The following PIK3R5 variants were observed in gnomAD, a reference collection of about 807,000 sequenced individuals.
PIK3R5 encodes phosphoinositide 3-kinase regulatory subunit 5.
PIK3R5 carries 32 observed loss-of-function variants against 94.9 expected under a neutral mutation model. The ratio of observed to expected loss-of-function variants is 0.34; its 90% CI spans 0.25 to 0.45. The LOEUF (loss-of-function observed/expected upper bound fraction) is 0.45, where lower values mean the gene tolerates loss of function less well. PIK3R5 is among the 20% of genes least tolerant of loss of function. The pLI, the probability that PIK3R5 is intolerant of heterozygous loss-of-function variation, is 1.00. For missense variants in PIK3R5, 853 were observed against 1,144.6 expected, an observed-to-expected ratio of 0.75 and a Z score of 3.68; for synonymous variants, 443 against 479.4, an observed-to-expected ratio of 0.92 and a Z score of 0.99.
chr17:8,886,056 C>G (rs1597373410), intron 14 of PIK3R5, among the ~76,000 whole-genome samples, 173 bp downstream of exon 14: 1 of 151,622 alleles, frequency 6.6e-6, no homozygotes, highest in Non-Finnish European at 1.5e-5. Flanking sequence ...ACCGGGTCAC[C>G]CAGCCACCCC....
At chr17:8,895,248 C>G (rs1182529309) in intron 5 of PIK3R5, among the ~76,000 whole-genome samples, 1 of 152,208 alleles carries the variant, frequency 6.6e-6, no homozygotes, top group Non-Finnish European at 1.5e-5. Context: ...CCATAAAACA[C>G]ATAGATACGC....
intron 1 of PIK3R5, among the ~76,000 whole-genome samples, chr17:8,953,040 G>T (rs1287113101): frequency 2.6e-5 from 4 of 152,196 alleles, no homozygotes; most frequent in African/African-American, 9.7e-5. Flanking sequence ...TCTCAGAGGA[G>T]AGTGCTGGAC....
intron 1 of PIK3R5, among the ~76,000 whole-genome samples, chr17:8,913,430 G>A (rs986186890): frequency 6.6e-6 from 1 of 152,222 alleles, no homozygotes; most frequent in Non-Finnish European, 1.5e-5. Context: ...CGGGTGGCTG[G>A]GTGCGGTGGC....
chr17:8,942,857 C>T (rs112748227), intron 1 of PIK3R5, among the ~76,000 whole-genome samples: 5,091 of 152,000 alleles, frequency 0.033, 285 homozygotes, highest in African/African-American at 0.12. Context: ...CCGCCCGCCT[C>T]GGCCTCCCAA....
chr17:8,904,312 A>G lies in PIK3R5; in HGVS notation c.412+465T>C, dbSNP rs61759590. 2.4e-3 allele frequency among the ~76,000 whole-genome samples: 366 copies of G among 152,326 alleles called. 1 individual carries two copies. Among genetic ancestry groups the G allele is most frequent in the African/African-American group, 8.3e-3 (346 of 41,578 alleles). Reference sequence around the variant, plus strand: ...CCCGGGTCTTGTCCACATTTGTCACAGTGGTCATTGTTCCTAGTACCAGCC... The same window carrying G: ...CCCGGGTCTTGTCCACATTTGTCACGGTGGTCATTGTTCCTAGTACCAGCC... On this transcript the variant is annotated intron_variant, in intron 5 of 18. Coordinates refer to ENST00000447110, the MANE Select transcript of PIK3R5 (RefSeq NM_001142633.3). The surrounding 1 kb of genome is among the most constrained non-coding windows in gnomAD (Gnocchi z 5.1).
intron 1 of PIK3R5, among the ~76,000 whole-genome samples, chr17:8,946,206 C>T (rs1426239024): frequency 6.6e-6 from 1 of 151,974 alleles, no homozygotes; most frequent in East Asian, 1.9e-4. Context: ...GGTGTGACTG[C>T]CAGCCCCTTA....
intron 5 of PIK3R5, among the ~76,000 whole-genome samples, chr17:8,899,778 G>A (rs1305905902): frequency 6.6e-6 from 1 of 152,202 alleles, no homozygotes; most frequent in Non-Finnish European, 1.5e-5. Context: ...GGTGGCTCAT[G>A]CTTGTAATCC....
At chr17:8,934,891 C>G (rs970412183) in intron 1 of PIK3R5, among the ~76,000 whole-genome samples, 1 of 152,224 alleles carries the variant, frequency 6.6e-6, no homozygotes, top group Non-Finnish European at 1.5e-5. Context: ...AAGCCCATAA[C>G]ATGGCTCACT....
At chr17:8,891,697 C>G (rs1339338466) in intron 6 of PIK3R5, among the ~76,000 whole-genome samples, 1 of 151,404 alleles carries the variant, frequency 6.6e-6, no homozygotes, top group African/African-American at 2.4e-5. Flanking sequence ...CCCGGGTTCA[C>G]ACCATTCTCC....
chr17:8,945,644 C>G lies in PIK3R5; in HGVS notation c.-14+19952G>C, dbSNP rs982288436. On this transcript the variant is annotated intron_variant, in intron 1 of 18. Coordinates refer to ENST00000447110, the MANE Select transcript of PIK3R5 (RefSeq NM_001142633.3). This position sits in a 1 kb window ranked among gnomAD's most constrained non-coding sequence, Gnocchi z 4.0. The stretch of plus-strand genomic sequence containing the variant: ...CTCCTCCCCAGAAAAATAGAAAGTA[C>G]TTATAAGATTTTATGTCCCAAAGAT... Among the ~76,000 whole-genome samples the G allele has an allele frequency of 2.0e-5, 3 of 152,178 alleles. No homozygotes were observed. The highest frequency in any genetic ancestry group is 4.4e-5 in the Non-Finnish European group (3 of 68,034).
At chr17:8,931,020 G>C (rs1034805575) in intron 1 of PIK3R5, among the ~76,000 whole-genome samples, 2 of 152,124 alleles carry the variant, frequency 1.3e-5, no homozygotes, top group Admixed American at 6.6e-5. Context: ...GTTACCATTG[G>C]AGCAAACTGA....
intron 1 of PIK3R5, among the ~76,000 whole-genome samples, chr17:8,959,858 A>G (rs1311180653): frequency 1.3e-5 from 2 of 152,212 alleles, no homozygotes; most frequent in African/African-American, 4.8e-5. Context: ...CCTAAGAGGA[A>G]CAGAATGAAG....
intron 1 of PIK3R5, chr17:8,916,424 T>A (rs1264730292): frequency 6.6e-6 from 1 of 151,722 alleles, no homozygotes; most frequent in Non-Finnish European, 1.5e-5. Flanking sequence ...CCCCTCCCTA[T>A]CTTGTTGAGA....
At position 8,935,036 on chromosome 17, in the gene PIK3R5, T is replaced by A. The variant is rs191588036; in HGVS notation, c.-13-23529A>T. ...CATGTTCCCCTGTTTCTGATGTGGA[T>A]CTTAATATGCATTCTTCTGTCTTCC... On this transcript the variant is annotated intron_variant, in intron 1 of 18. Coordinates refer to ENST00000447110, the MANE Select transcript of PIK3R5 (RefSeq NM_001142633.3). This position sits in a 1 kb window ranked among gnomAD's most constrained non-coding sequence, Gnocchi z 4.5. 1.7e-4 allele frequency among the ~76,000 whole-genome samples: 26 copies of A among 152,150 alleles called. No homozygotes were observed. Among genetic ancestry groups the A allele is most frequent in the African/African-American group, 6.0e-4 (25 of 41,430 alleles).
chr17:8,912,007 T>A (rs985216075), intron 1 of PIK3R5: 1 of 152,532 alleles, frequency 6.6e-6, no homozygotes, highest in Non-Finnish European at 1.5e-5. Flanking sequence ...CTCCCTCTGA[T>A]TGGGTGCCCA....
At position 8,884,644 on chromosome 17, in the gene PIK3R5, C is replaced by T; in HGVS notation, c.2205+63G>A. The T allele has an allele frequency of 7.4e-7, 1 of 1,343,512 alleles. No homozygotes were observed. Among genetic ancestry groups the T allele is most frequent in the Non-Finnish European group, 1.1e-6 (1 of 939,960 alleles). The allele number at this position is 1,343,512 out of a possible 1,614,324, so 83.2% of individuals were successfully genotyped here. A position where few individuals can be genotyped will look rare whatever the true frequency, so the allele number is the denominator to read the frequency against. ...ACACGAGTCCAGCTCTGGGTCCAAG[C>T]TCTGGCGGAGGAAGTATCAGCAGCA... On this transcript the variant is annotated intron_variant, in intron 15 of 18. Transcript: ENST00000447110. This position sits in a 1 kb window ranked among gnomAD's most constrained non-coding sequence, Gnocchi z 5.8.
At chr17:8,910,221 G>C (rs923528978) in intron 2 of PIK3R5, among the ~76,000 whole-genome samples, 1 of 152,198 alleles carries the variant, frequency 6.6e-6, no homozygotes, top group Non-Finnish European at 1.5e-5. Context: ...TGGAGCTCAA[G>C]CTCCAGGACC....
chr17:8,900,702 G>A (rs1456804765), intron 5 of PIK3R5, among the ~76,000 whole-genome samples: 2 of 152,204 alleles, frequency 1.3e-5, no homozygotes, highest in African/African-American at 4.8e-5. Context: ...CCTGGCCCTT[G>A]TGCTGCAGGC....
chr17:8,887,431 A>C (rs1221143735), intron 11 of PIK3R5, 90 bp downstream of exon 11: 7 of 1,435,192 alleles, frequency 4.9e-6, no homozygotes, highest in Non-Finnish European at 6.6e-6. Flanking sequence ...CTGTCAACAC[A>C]GGTGCTTGCT....
Sources: gnomAD v4.1 joint callset for allele counts (sites outside exome capture counted in the v4.1 genomes callset) on GRCh38, gnomAD v4.1.1 for gene constraint, Gnocchi (gnomAD v3.1) non-coding constraint, MANE v1.5 for transcripts, NCBI Gene and HGNC (gene_info 2026-07-23, HGNC 2026-07-21) for gene names.